The following LSM14A variants were observed in gnomAD, a reference collection of about 807,000 sequenced individuals.
LSM14A encodes the protein protein LSM14 homolog A.
LSM14A carries 14 observed loss-of-function variants against 52.4 expected under a neutral mutation model. The ratio of observed to expected loss-of-function variants is 0.27; its 90% CI spans 0.18 to 0.42. The LOEUF is 0.42. Ranked by LOEUF, LSM14A falls within the 10% of genes least tolerant of loss-of-function variation. The pLI is 1.00. For missense variants in LSM14A, 417 were observed against 581.8 expected, an observed-to-expected ratio of 0.72 and a Z score of 2.91; for synonymous variants, 185 against 200.3, an observed-to-expected ratio of 0.92 and a Z score of 0.64.
At chr19:34,208,379 C>A (rs1014828451) in intron 3 of LSM14A, 1 of 152,160 alleles carries the variant, frequency 6.6e-6, no homozygotes, top group African/African-American at 2.4e-5. Context: ...AGAATTGGGC[C>A]CTTTCTAGGG....
intron 1 of LSM14A, among the ~76,000 whole-genome samples, chr19:34,189,820 GT>G (rs1449560811): frequency 1.3e-5 from 2 of 152,148 alleles, no homozygotes; most frequent in African/African-American, 4.8e-5. Flanking sequence ...AAAGATAGTA[GT>G]GTGCTTAAAG....
intron 3 of LSM14A, among the ~76,000 whole-genome samples, chr19:34,199,570 G>A (rs1183259168): frequency 6.6e-6 from 1 of 152,178 alleles, no homozygotes; most frequent in African/African-American, 2.4e-5. Flanking sequence ...GAACCCTGTG[G>A]TGCTGAATGT....
intron 9 of LSM14A, among the ~76,000 whole-genome samples, chr19:34,226,849 C>T (rs1174000943): frequency 1.3e-5 from 2 of 152,166 alleles, no homozygotes; most frequent in East Asian, 3.8e-4. Context: ...CTTTTCAGAG[C>T]TTATTTCAGA....
At chr19:34,210,428 C>A (rs1444973898) in intron 4 of LSM14A, among the ~76,000 whole-genome samples, 1 of 152,026 alleles carries the variant, frequency 6.6e-6, no homozygotes, top group Non-Finnish European at 1.5e-5. Flanking sequence ...TGCCACCACG[C>A]CCAGCTCATT....
Position 34,227,346 on chromosome 19 carries a change from A to G in LSM14A, c.1369-19A>G, listed in dbSNP as rs181820603. The stretch of plus-strand genomic sequence containing the variant: ...ACCAATAATTTGGAACATGAGCTAA[A>G]TTTTTTTTTCTTTTTTAGAAAGACA... On this transcript the variant is annotated intron_variant, in intron 9 of 9. Coordinates refer to ENST00000544216, the MANE Select transcript of LSM14A (RefSeq NM_015578.4). The G allele has an allele frequency of 6.5e-7, 1 of 1,546,226 alleles. No homozygotes were observed.
intron 1 of LSM14A, among the ~76,000 whole-genome samples, chr19:34,174,695 T>C (rs1356250536): frequency 2.6e-5 from 4 of 152,252 alleles, no homozygotes; most frequent in Non-Finnish European, 5.9e-5. Context: ...ATAGTGTTTT[T>C]CTGGCTTTTT....
chr19:34,193,885 C>T (rs1209529758), intron 1 of LSM14A, among the ~76,000 whole-genome samples: 6 of 152,040 alleles, frequency 3.9e-5, no homozygotes, highest in East Asian at 1.9e-4. Context: ...ATAAGTTAAC[C>T]GTGAGCCAGG....
At chr19:34,226,484 T>C (rs1162578004) in intron 9 of LSM14A, 7 of 1,514,726 alleles carry the variant, frequency 4.6e-6, no homozygotes, top group Admixed American at 2.3e-5. Flanking sequence ...ACAAATACTT[T>C]GGGAGGTGTG....
At chr19:34,202,771 C>T (rs762076827) in intron 3 of LSM14A, among the ~76,000 whole-genome samples, 1 of 152,178 alleles carries the variant, frequency 6.6e-6, no homozygotes, top group Non-Finnish European at 1.5e-5. Flanking sequence ...TCTCCTGCCT[C>T]AGCCTCCCTA....
chr19:34,203,149 C>G (rs200106055), intron 3 of LSM14A, among the ~76,000 whole-genome samples: 1 of 148,138 alleles, frequency 6.8e-6, no homozygotes, highest in East Asian at 1.9e-4. Flanking sequence ...TTCATAGAAA[C>G]AGTGAAAGGT....
intron 1 of LSM14A, among the ~76,000 whole-genome samples, chr19:34,192,919 C>CAA (rs1173462104): frequency 6.6e-6 from 1 of 151,716 alleles, no homozygotes; most frequent in Non-Finnish European, 1.5e-5. Context: ...GCAGAGGTTA[C>CAA]AGTGAGCCAA....
intron 9 of LSM14A, 30 bp from the exon 10 acceptor site, chr19:34,227,335 A>G: frequency 6.6e-7 from 1 of 1,519,084 alleles, no homozygotes; most frequent in Admixed American, 1.9e-5. Context: ...ATAATTTGGA[A>G]CATGAGCTAA....
rs2072531759 is a variant in LSM14A at position 34,215,727 on chromosome 19, A to G, written c.781+66A>G. On this transcript the variant is annotated intron_variant, in intron 6 of 9. Transcript: ENST00000544216. ...ACAGGGAGAATATTTTAAATATATG[A>G]TACATAATTACTATAAAAAAATGAA... is the stretch of plus-strand genomic sequence containing the variant. 1 of 1,108,330 alleles carries G rather than the reference A, an allele frequency of 9.0e-7. No homozygotes were observed. The highest frequency in any genetic ancestry group is 1.3e-6 in the Non-Finnish European group (1 of 744,072). The allele number at this position is 1,108,330 out of a possible 1,614,324, so 68.7% of individuals were successfully genotyped here.
intron 3 of LSM14A, chr19:34,208,552 G>A (rs940389674): frequency 1.3e-5 from 2 of 157,342 alleles, no homozygotes; most frequent in African/African-American, 4.8e-5. Flanking sequence ...TTGGCTGTTT[G>A]TCCAGATACT....
chr19:34,211,792 C>G (rs561250565), intron 4 of LSM14A, among the ~76,000 whole-genome samples: 4 of 150,934 alleles, frequency 2.7e-5, no homozygotes, highest in Admixed American at 6.6e-5. Flanking sequence ...CCTGTCCCCC[C>G]CCAAAAAAAA....
chr19:34,197,858 T>C (rs529693361), intron 3 of LSM14A, among the ~76,000 whole-genome samples: 1 of 152,306 alleles, frequency 6.6e-6, no homozygotes, highest in African/African-American at 2.4e-5. Context: ...GAAACGAAAC[T>C]ATAATGAGAA....
chr19:34,188,551 C>T (rs1221026441), intron 1 of LSM14A, among the ~76,000 whole-genome samples: 2 of 152,156 alleles, frequency 1.3e-5, no homozygotes, highest in African/African-American at 2.4e-5. Context: ...ACCACCTCTC[C>T]TTAGTTTCAA....
intron 2 of LSM14A, 28 bp downstream of exon 2, chr19:34,194,669 TACAGGTAAACTCCGC>T (rs777653774): frequency 3.7e-6 from 6 of 1,611,854 alleles, no homozygotes; most frequent in Middle Eastern, 1.7e-4. Flanking sequence ...TGTCTTGGAG[TACAGGTAAACTCCGC>T]ACAGGGTTAG....
At chr19:34,221,081 CTT>C (rs34608536) in intron 8 of LSM14A, among the ~76,000 whole-genome samples, 61 of 124,764 alleles carry the variant, frequency 4.9e-4, no homozygotes, top group South Asian at 1.3e-3. Context: ...AGATAAGATG[CTT>C]TTTTTTTTTT....
Sources: gnomAD v4.1 joint callset for allele counts (sites outside exome capture counted in the v4.1 genomes callset) on GRCh38, gnomAD v4.1.1 for gene constraint, MANE v1.5 for transcripts, NCBI Gene and HGNC (gene_info 2026-07-23, HGNC 2026-07-21) for gene names.